The following NCALD variants were observed in gnomAD, a reference collection of about 807,000 sequenced individuals.
NCALD encodes neurocalcin-delta.
A neutral mutation model predicts 18.6 loss-of-function variants in NCALD; 10 were observed. The observed-to-expected ratio is 0.54, with a 90% CI of 0.33 to 0.91. The LOEUF is 0.91. Ranked by LOEUF, NCALD falls within the 40% of genes least tolerant of loss-of-function variation. NCALD has a pLI of 0.03. For synonymous variants in NCALD, 88 were observed against 87.4 expected, an observed-to-expected ratio of 1.01 and a Z score of -0.04; for missense variants, 184 against 247.6, an observed-to-expected ratio of 0.74 and a Z score of 1.72.
intron 2 of NCALD, among the ~76,000 whole-genome samples, chr8:101,952,824 G>A (rs891940359): frequency 1.3e-5 from 2 of 152,230 alleles, no homozygotes; most frequent in African/African-American, 4.8e-5. Context: ...TGCAGCTTGT[G>A]AAGATGAGAG....
intron 3 of NCALD, chr8:101,690,693 G>A (rs1814686923): frequency 1.0e-6 from 1 of 985,332 alleles, no homozygotes; most frequent in Admixed American, 6.2e-5. Flanking sequence ...AGATAGGGAT[G>A]CATTTATTAA....
At chr8:101,854,271 G>T (rs1815215836) in intron 4 of NCALD, among the ~76,000 whole-genome samples, 1 of 152,064 alleles carries the variant, frequency 6.6e-6, no homozygotes, top group African/African-American at 2.4e-5. Flanking sequence ...CATGACTGTT[G>T]GTCCCTGCAT....
At chr8:102,117,178 T>C (rs1075706) in intron 1 of NCALD, among the ~76,000 whole-genome samples, 7 of 152,174 alleles carry the variant, frequency 4.6e-5, no homozygotes, top group African/African-American at 1.7e-4. Context: ...TCAACCACCA[T>C]TTTGTGGTCA....
chr8:102,018,769 T>C (rs1822175226), intron 2 of NCALD, among the ~76,000 whole-genome samples: 1 of 152,150 alleles, frequency 6.6e-6, no homozygotes, highest in South Asian at 2.1e-4. Context: ...AATAGACACA[T>C]AGTGCTATGG....
At chr8:102,023,547 G>A (rs1327037523) in intron 1 of NCALD, among the ~76,000 whole-genome samples, 1 of 152,230 alleles carries the variant, frequency 6.6e-6, no homozygotes, top group Non-Finnish European at 1.5e-5. Flanking sequence ...CAGGGGCAGG[G>A]AATTTGGTAT....
At chr8:101,854,763 T>C (rs1022591599) in intron 4 of NCALD, among the ~76,000 whole-genome samples, 1 of 152,162 alleles carries the variant, frequency 6.6e-6, no homozygotes, top group African/African-American at 2.4e-5. Context: ...TATAACATCA[T>C]ATAGCTTTAA....
At chr8:102,102,524 G>C (rs1240548487) in intron 1 of NCALD, among the ~76,000 whole-genome samples, 1 of 152,142 alleles carries the variant, frequency 6.6e-6, no homozygotes, top group Non-Finnish European at 1.5e-5. Flanking sequence ...TTGCACAGAT[G>C]AGGTATCTGA....
At chr8:101,861,753 A>G (rs1474583035) in intron 4 of NCALD, among the ~76,000 whole-genome samples, 3 of 152,188 alleles carry the variant, frequency 2.0e-5, no homozygotes, top group Non-Finnish European at 4.4e-5. Context: ...TCTCATATGT[A>G]TGATTCCATT....
intron 4 of NCALD, among the ~76,000 whole-genome samples, chr8:101,798,692 T>C (rs552975529): frequency 1.9e-4 from 29 of 152,208 alleles, no homozygotes; most frequent in African/African-American, 6.7e-4. Flanking sequence ...AGGAAATAAA[T>C]AGCTGAAATA....
intron 1 of NCALD, among the ~76,000 whole-genome samples, chr8:101,744,164 G>A (rs939636833): frequency 2.0e-5 from 3 of 152,102 alleles, no homozygotes; most frequent in Non-Finnish European, 4.4e-5. Flanking sequence ...TTGGCATTCA[G>A]GGTCCTCATG....
At chr8:101,784,774 G>A (rs777997892) in intron 1 of NCALD, among the ~76,000 whole-genome samples, 5 of 152,060 alleles carry the variant, frequency 3.3e-5, no homozygotes, top group Non-Finnish European at 5.9e-5. Flanking sequence ...ACTTCAGCCT[G>A]GGCAACAGAG....
At chr8:101,740,290 C>T (rs1193105056) in intron 1 of NCALD, among the ~76,000 whole-genome samples, 4 of 152,216 alleles carry the variant, frequency 2.6e-5, no homozygotes, top group Non-Finnish European at 5.9e-5. Context: ...AAATAAAGGC[C>T]AGTCCCTTCT....
intron 2 of NCALD, among the ~76,000 whole-genome samples, chr8:101,951,205 G>A (rs1449506819): frequency 6.6e-6 from 1 of 152,102 alleles, no homozygotes; most frequent in East Asian, 1.9e-4. Context: ...AAAACGATGA[G>A]GACAGTATTA....
At chr8:102,117,180 T>C (rs539948786) in intron 1 of NCALD, among the ~76,000 whole-genome samples, 1 of 152,318 alleles carries the variant, frequency 6.6e-6, no homozygotes, top group South Asian at 2.1e-4. Flanking sequence ...AACCACCATT[T>C]TGTGGTCATT....
intron 2 of NCALD, among the ~76,000 whole-genome samples, chr8:101,937,879 A>T (rs1412894680): frequency 6.6e-6 from 1 of 152,232 alleles, no homozygotes; most frequent in Non-Finnish European, 1.5e-5. Flanking sequence ...AAAGGAAAAC[A>T]AACAGAATGT....
intron 4 of NCALD, among the ~76,000 whole-genome samples, chr8:101,837,775 G>C (rs1814473611): frequency 1.3e-5 from 2 of 152,142 alleles, no homozygotes; most frequent in Admixed American, 1.3e-4. Context: ...GCAATACCCT[G>C]GGCCCTAGTC....
chr8:101,909,560 A>C (rs1348648451), intron 3 of NCALD, among the ~76,000 whole-genome samples: 1 of 152,124 alleles, frequency 6.6e-6, no homozygotes, highest in African/African-American at 2.4e-5. Flanking sequence ...AAATTATCTC[A>C]TATACTATCT....
At chr8:101,771,838 G>A (rs910703338) in intron 1 of NCALD, among the ~76,000 whole-genome samples, 5 of 152,144 alleles carry the variant, frequency 3.3e-5, no homozygotes, top group Non-Finnish European at 4.4e-5. Context: ...CTGGATATAC[G>A]CAAGGTACTA....
At chr8:101,814,569 C>T (rs779840764) in intron 4 of NCALD, among the ~76,000 whole-genome samples, 7 of 151,944 alleles carry the variant, frequency 4.6e-5, no homozygotes, top group Non-Finnish European at 8.8e-5. Context: ...CCACTAAGAA[C>T]AGGAATAAGG....
Sources: allele counts gnomAD v4.1 joint callset (sites outside exome capture counted in the v4.1 genomes callset), GRCh38; gene constraint gnomAD v4.1.1; transcripts MANE v1.5; gene names NCBI Gene and HGNC (gene_info 2026-07-23, HGNC 2026-07-21).